Variants in TSPEAR observed in about 807,000 individuals in gnomAD.
TSPEAR encodes the protein thrombospondin-type laminin G domain and EAR repeat-containing protein.
Under a neutral mutation model 71.6 loss-of-function variants are expected in TSPEAR, and 69 were observed. The observed-to-expected ratio is 0.96, with a 90% CI of 0.79 to 1.18. The LOEUF is 1.18. TSPEAR is among the 50% of genes most tolerant of loss of function. The pLI, the probability that TSPEAR is intolerant of heterozygous loss-of-function variation, is 0.00. For synonymous variants in TSPEAR, 402 were observed against 387.2 expected (o/e 1.04, Z -0.45); for missense variants, 971 against 894.9 (o/e 1.09, Z -1.09).
intron 1 of TSPEAR, among the ~76,000 whole-genome samples, chr21:44,583,820 T>C (rs1979165822): frequency 6.6e-6 from 1 of 152,220 alleles, no homozygotes; most frequent in African/African-American, 2.4e-5. Context: ...ACGGTCAAGC[T>C]AATTAATATG....
At chr21:44,630,202 G>T (rs1294011231) in intron 1 of TSPEAR, among the ~76,000 whole-genome samples, 3 of 152,158 alleles carry the variant, frequency 2.0e-5, no homozygotes, top group Non-Finnish European at 4.4e-5. Context: ...GAAATGTGAA[G>T]GTAAATAATT....
At chr21:44,541,320 T>C (rs1476967472) in intron 2 of TSPEAR, among the ~76,000 whole-genome samples, 1 of 152,266 alleles carries the variant, frequency 6.6e-6, no homozygotes, top group Non-Finnish European at 1.5e-5. Context: ...GCGATTCCAT[T>C]GTGCCACCTT....
intron 2 of TSPEAR, among the ~76,000 whole-genome samples, chr21:44,566,039 G>A (rs782432389): frequency 2.6e-4 from 39 of 152,146 alleles, no homozygotes; most frequent in Non-Finnish European, 4.6e-4. Context: ...AATTAGCTGG[G>A]CATGGTAGTG....
At chr21:44,598,039 A>G (rs1431241845) in intron 1 of TSPEAR, among the ~76,000 whole-genome samples, 1 of 152,042 alleles carries the variant, frequency 6.6e-6, no homozygotes, top group Non-Finnish European at 1.5e-5. Context: ...AGGCTGCTCA[A>G]CCTTTTGTTC....
chr21:44,660,569 A>G (rs1386156290), intron 1 of TSPEAR, among the ~76,000 whole-genome samples: 21 of 152,258 alleles, frequency 1.4e-4, no homozygotes, highest in African/African-American at 5.1e-4. Context: ...CAAAAACTGA[A>G]AAGACTTCAT....
intron 1 of TSPEAR, among the ~76,000 whole-genome samples, chr21:44,691,588 T>A (rs1045581659): frequency 5.9e-5 from 9 of 152,166 alleles, no homozygotes; most frequent in Non-Finnish European, 1.2e-4. Context: ...GAAGCAAACA[T>A]TGACAGAATT....
intron 1 of TSPEAR, among the ~76,000 whole-genome samples, chr21:44,621,809 G>C (rs1982453152): frequency 6.6e-6 from 1 of 152,172 alleles, no homozygotes; most frequent in Admixed American, 6.5e-5. Flanking sequence ...TGGGATATTT[G>C]TATTTTTGTT....
chr21:44,528,684 T>C, intron 5 of TSPEAR, 101 bp from the exon 6 acceptor site: 2 of 1,473,254 alleles, frequency 1.4e-6, no homozygotes, highest in Non-Finnish European at 1.8e-6. Context: ...TGCCTCAGCC[T>C]CTGCATGCGG....
intron 1 of TSPEAR, among the ~76,000 whole-genome samples, chr21:44,640,652 G>C (rs1555938363): frequency 1.3e-5 from 2 of 152,220 alleles, no homozygotes; most frequent in African/African-American, 4.8e-5. Context: ...TGGCGCCAGA[G>C]CAGTGATAGA....
chr21:44,500,173 C>T (rs1555910965), intron 11 of TSPEAR, among the ~76,000 whole-genome samples: 1 of 152,206 alleles, frequency 6.6e-6, no homozygotes, highest in African/African-American at 2.4e-5. Context: ...ACCAAGATCC[C>T]AGCGCTACCT....
chr21:44,706,419 ACG>A (rs1253856463), intron 1 of TSPEAR, among the ~76,000 whole-genome samples: 1 of 149,862 alleles, frequency 6.7e-6, no homozygotes, highest in African/African-American at 2.5e-5. Flanking sequence ...ATGCACACAC[ACG>A]CGCGCACACA....
intron 1 of TSPEAR, chr21:44,601,475 C>T: frequency 6.2e-7 from 1 of 1,613,564 alleles, no homozygotes. Flanking sequence ...GGGGCTTCCA[C>T]TTCATGCTGC....
At chr21:44,622,366 C>G (rs894089670) in intron 1 of TSPEAR, among the ~76,000 whole-genome samples, 1 of 152,088 alleles carries the variant, frequency 6.6e-6, no homozygotes, top group East Asian at 1.9e-4. Flanking sequence ...ATTTTTTATG[C>G]CCCCATCTTC....
At chr21:44,553,854 G>C (rs1487771463) in intron 2 of TSPEAR, among the ~76,000 whole-genome samples, 11 of 152,090 alleles carry the variant, frequency 7.2e-5, no homozygotes, top group Non-Finnish European at 1.3e-4. Context: ...CACTAACCAG[G>C]GTATGGCAAT....
chr21:44,576,341 CGG>C (rs1978448933), intron 1 of TSPEAR, among the ~76,000 whole-genome samples: 1 of 138,748 alleles, frequency 7.2e-6, no homozygotes, highest in Admixed American at 7.1e-5. Flanking sequence ...AACAGACACA[CGG>C]ACGTCCCAGG....
In TSPEAR at chr21:44,612,882, G is replaced by T; in HGVS notation, c.83-44877C>A. 1.9e-6 allele frequency: 3 copies of T among 1,610,878 alleles called. No homozygotes were observed. Among genetic ancestry groups the T allele is most frequent in the Non-Finnish European group, 1.7e-6 (2 of 1,179,604 alleles). On this transcript the variant is annotated intron_variant, in intron 1 of 11. Coordinates refer to ENST00000323084, the MANE Select transcript of TSPEAR (RefSeq NM_144991.3). This position sits in a 1 kb window ranked among gnomAD's most constrained non-coding sequence, Gnocchi z 4.1. ...GCGTGCTCCCGCCTGGCCTGCTGAG[G>T]CCTCTGCTCAGGCCAGGAGTCCAGC...
At chr21:44,707,980 G>T (rs1205107984) in intron 1 of TSPEAR, among the ~76,000 whole-genome samples, 1 of 62,930 alleles carries the variant, frequency 1.6e-5, no homozygotes, top group African/African-American at 6.5e-5. Context: ...TGTGCCCCCC[G>T]ATTCCCCCCC....
intron 1 of TSPEAR, chr21:44,675,861 C>G (rs1387272379): frequency 1.6e-5 from 11 of 673,954 alleles, no homozygotes; most frequent in Admixed American, 1.2e-4. Flanking sequence ...GAAAATCTTC[C>G]TAGACCTTAC....
rs1986896459 is a variant in TSPEAR at position 44,687,135 on chromosome 21, G to T, written c.82+24298C>A. Reference sequence around the variant, plus strand: ...AAGGAGGCTGAGCCTGGGGAACCTGGTGGCTGCCTTCGGGTGTCAGAAGGG... The same window carrying T: ...AAGGAGGCTGAGCCTGGGGAACCTGTTGGCTGCCTTCGGGTGTCAGAAGGG... On this transcript the variant is annotated intron_variant, in intron 1 of 11. Coordinates refer to ENST00000323084, the MANE Select transcript of TSPEAR (RefSeq NM_144991.3). The surrounding 1 kb of genome is among the most constrained non-coding windows in gnomAD (Gnocchi z 4.4). Among the ~76,000 whole-genome samples, 1 of 152,216 alleles carries T rather than the reference G, an allele frequency of 6.6e-6. No homozygotes were observed. Among genetic ancestry groups the T allele is most frequent in the African/African-American group, 2.4e-5 (1 of 41,460 alleles).
Sources: allele counts gnomAD v4.1 joint callset (sites outside exome capture counted in the v4.1 genomes callset), GRCh38; gene constraint gnomAD v4.1.1; non-coding constraint Gnocchi (gnomAD v3.1); transcripts MANE v1.5; gene names NCBI Gene and HGNC (gene_info 2026-07-23, HGNC 2026-07-21).